The following IQSEC1 variants were observed in gnomAD, a reference collection of about 807,000 sequenced individuals.
IQSEC1 encodes IQ motif and Sec7 domain ArfGEF 1.
IQSEC1 carries 31 observed loss-of-function variants against 91.0 expected under a neutral mutation model. The observed-to-expected ratio is 0.34, with a 90% CI of 0.26 to 0.46. The LOEUF is 0.46. IQSEC1 is among the 20% of genes least tolerant of loss of function. The pLI, the probability that IQSEC1 is intolerant of heterozygous loss-of-function variation, is 1.00. For missense variants in IQSEC1, 1,388 were observed against 1,575.6 expected, an observed-to-expected ratio of 0.88 and a Z score of 2.02; for synonymous variants, 699 against 662.6, an observed-to-expected ratio of 1.05 and a Z score of -0.84.
intron 1 of IQSEC1, among the ~76,000 whole-genome samples, chr3:12,987,970 A>G (rs972061049): frequency 2.6e-5 from 4 of 152,250 alleles, no homozygotes; most frequent in Non-Finnish European, 5.9e-5. Context: ...CTTGCTTTAC[A>G]GCCAGTATGT....
chr3:12,981,966 C>A (rs1299233138), intron 1 of IQSEC1, among the ~76,000 whole-genome samples: 1 of 152,240 alleles, frequency 6.6e-6, no homozygotes, highest in African/African-American at 2.4e-5. Context: ...CAGGCTGCAA[C>A]TGGAGATCCC....
intron 1 of IQSEC1, among the ~76,000 whole-genome samples, chr3:13,181,219 C>G (rs1417618898): frequency 1.3e-5 from 2 of 152,178 alleles, no homozygotes; most frequent in East Asian, 3.9e-4. Context: ...TGCAGTGAGC[C>G]AAGATCACGC....
intron 1 of IQSEC1, among the ~76,000 whole-genome samples, chr3:13,167,409 C>T (rs908481029): frequency 6.6e-6 from 1 of 152,174 alleles, no homozygotes; most frequent in African/African-American, 2.4e-5. Context: ...ACCTGGGAGC[C>T]CTAGAAACCA....
intron 1 of IQSEC1, among the ~76,000 whole-genome samples, chr3:12,953,773 T>C (rs190780944): frequency 3.9e-4 from 60 of 152,296 alleles, no homozygotes; most frequent in African/African-American, 1.3e-3. Flanking sequence ...AATGTTGTCA[T>C]GACAGGAGTG....
In IQSEC1 at chr3:12,967,990, C is replaced by G. The variant is rs1030692785; in HGVS notation, c.24-26125G>C. On this transcript the variant is annotated intron_variant, in intron 1 of 13. Coordinates refer to ENST00000613206, the MANE Select transcript of IQSEC1 (RefSeq NM_001134382.3). The surrounding 1 kb of genome is among the most constrained non-coding windows in gnomAD (Gnocchi z 5.9). ...GAGCGCAAGGGCGGAGTCCCAGACA[C>G]TGCATCCAGGTCCCAGCGCGCGAAG... 5.9e-5 allele frequency among the ~76,000 whole-genome samples: 9 copies of G among 152,194 alleles called. No individual in the cohort carries two copies. Among genetic ancestry groups the G allele is most frequent in the African/African-American group, 1.9e-4 (8 of 41,454 alleles).
At position 12,902,635 on chromosome 3, in the gene IQSEC1, G is replaced by T; in HGVS notation, c.2805+138C>A. 1.5e-5 allele frequency: 9 copies of T among 599,028 alleles called. 1 individual carries two copies. The South Asian group carries it at 1.8e-4, about 12-fold the overall frequency. 37.1% of individuals were successfully genotyped at this position (599,028 alleles called of 1,614,324 possible). A position where few individuals can be genotyped will look rare whatever the true frequency, so the allele number is the denominator to read the frequency against. On this transcript the variant is annotated intron_variant, in intron 13 of 13. Coordinates refer to ENST00000613206, the MANE Select transcript of IQSEC1 (RefSeq NM_001134382.3). The stretch of plus-strand genomic sequence containing the variant: ...TCTGCATCTCTGTGCAGTAGGGGAA[G>T]GAAAAGCCAAAAAAAAAAACAACAA...
At chr3:13,131,846 T>C (rs1254711221) in intron 2 of IQSEC1, among the ~76,000 whole-genome samples, 1 of 152,178 alleles carries the variant, frequency 6.6e-6, no homozygotes, top group Non-Finnish European at 1.5e-5. Context: ...TTTTGCTCTT[T>C]TTCTGCCTTC....
At chr3:13,100,623 C>T (rs1247730044) in intron 2 of IQSEC1, among the ~76,000 whole-genome samples, 1 of 148,732 alleles carries the variant, frequency 6.7e-6, no homozygotes, top group Admixed American at 6.7e-5. Context: ...GTGGGAGAAA[C>T]AGGCACAACG....
At position 13,037,731 on chromosome 3, in the gene IQSEC1, G is replaced by GCCAC. The variant is rs1576199760; in HGVS notation, c.23+35257_23+35260dup. On this transcript the variant is annotated intron_variant, in intron 1 of 13. Coordinates refer to ENST00000613206, the MANE Select transcript of IQSEC1 (RefSeq NM_001134382.3). The stretch of plus-strand genomic sequence containing the variant: ...TGCTACAACATGGATGAACCTTGAG[G>GCCAC]CCACTCTGCTAAGTGAAATAATAAA... Among the ~76,000 whole-genome samples the GCCAC allele has an allele frequency of 3.9e-5, 6 of 152,278 alleles. 1 individual carries two copies. The highest frequency in any genetic ancestry group is 2.6e-4 in the Admixed American group (4 of 15,296).
At chr3:13,121,452 A>G (rs1706421569) in intron 2 of IQSEC1, among the ~76,000 whole-genome samples, 1 of 152,022 alleles carries the variant, frequency 6.6e-6, no homozygotes, top group Non-Finnish European at 1.5e-5. Context: ...TTATCTGCTG[A>G]GTGAGTGGAT....
chr3:13,130,380 G>C (rs965873779), intron 2 of IQSEC1, among the ~76,000 whole-genome samples: 5 of 149,300 alleles, frequency 3.3e-5, no homozygotes, highest in African/African-American at 1.2e-4. Flanking sequence ...AGAAAGAAAT[G>C]TATTGTTTAT....
At chr3:13,095,050 C>T (rs577548821) in intron 2 of IQSEC1, among the ~76,000 whole-genome samples, 2 of 152,020 alleles carry the variant, frequency 1.3e-5, no homozygotes, top group African/African-American at 4.8e-5. Context: ...CACCGAGAGC[C>T]CCCCTCCTCT....
Position 12,901,091 on chromosome 3 carries a change from C to T in IQSEC1, c.3237G>A (p.Leu1079=), listed in dbSNP as rs1420734720. 1.9e-6 allele frequency: 3 copies of T among 1,539,640 alleles called. No homozygotes were observed. The highest frequency in any genetic ancestry group is 8.7e-7 in the Non-Finnish European group (1 of 1,144,824). ...YGAHAHGHPP[L]PSAHVGHTVH... is the part of the protein sequence containing the mutation. The stretch of plus-strand genomic sequence containing the variant: ...CTGTGTGCCCCACGTGGGCCGAGGG[C>T]AGCGGCGGGTGGCCGTGGGCATGGG... Residue 1079 remains leucine, a synonymous_variant, in exon 14 of 14, where the codon CTG becomes CTA. Transcript: ENST00000613206.
chr3:13,273,234 C>T (rs937898030), intron 1 of IQSEC1, among the ~76,000 whole-genome samples: 4 of 152,160 alleles, frequency 2.6e-5, no homozygotes, highest in South Asian at 4.1e-4. Flanking sequence ...TCCTGGCCAC[C>T]GTGCTGCCCA....
chr3:13,264,309 C>A (rs482501), intron 1 of IQSEC1, among the ~76,000 whole-genome samples: 30 of 152,048 alleles, frequency 2.0e-4, no homozygotes, highest in Admixed American at 9.8e-4. Context: ...CCTGACCTGC[C>A]CATGGAAACC....
chr3:12,924,377 T>C lies in IQSEC1; in HGVS notation c.1730+204A>G, dbSNP rs1696924108. Among the ~76,000 whole-genome samples, 2 of 152,016 alleles carry C rather than the reference T, an allele frequency of 1.3e-5. No individual in the cohort carries two copies. The highest frequency in any genetic ancestry group is 4.1e-4 in the South Asian group (2 of 4,822). On this transcript the variant is annotated intron_variant, in intron 4 of 13. Coordinates refer to ENST00000613206, the MANE Select transcript of IQSEC1 (RefSeq NM_001134382.3). This position sits in a 1 kb window ranked among gnomAD's most constrained non-coding sequence, Gnocchi z 6.3. ...GGGGTTCGCATGTGGGATGGTGCAT[T>C]GGAGGGCAGGTGCCCACCTGCGTGC...
At chr3:13,135,669 G>C (rs1706694672) in intron 2 of IQSEC1, among the ~76,000 whole-genome samples, 1 of 152,228 alleles carries the variant, frequency 6.6e-6, no homozygotes, top group South Asian at 2.1e-4. Context: ...AGAGAAGGGG[G>C]TCTCTTCGAC....
At chr3:13,069,023 C>A (rs1040785762) in intron 1 of IQSEC1, among the ~76,000 whole-genome samples, 1 of 152,198 alleles carries the variant, frequency 6.6e-6, no homozygotes, top group African/African-American at 2.4e-5. Flanking sequence ...CCTGGTTATG[C>A]GGCCTTGGCT....
intron 1 of IQSEC1, among the ~76,000 whole-genome samples, chr3:13,265,724 C>T (rs553669409): frequency 1.2e-3 from 183 of 152,152 alleles, no homozygotes; most frequent in African/African-American, 4.0e-3. Flanking sequence ...GCCAACAGAA[C>T]GCAGAGCAAG....
Sources: allele counts gnomAD v4.1 joint callset (sites outside exome capture counted in the v4.1 genomes callset), GRCh38; gene constraint gnomAD v4.1.1; non-coding constraint Gnocchi (gnomAD v3.1); transcripts MANE v1.5; gene names NCBI Gene and HGNC (gene_info 2026-07-23, HGNC 2026-07-21).